The following RTL4 variants were observed in gnomAD, a reference collection of about 807,000 sequenced individuals.
RTL4 encodes retrotransposon Gag like 4.
A neutral mutation model predicts 5.3 loss-of-function variants in RTL4; 4 were observed. That is an observed-to-expected ratio of 0.75 (90% CI 0.37 to 1.72). The LOEUF (loss-of-function observed/expected upper bound fraction) is 1.72. Ranked by LOEUF, RTL4 falls within the 40% of genes most tolerant of loss-of-function variation. The pLI is 0.04. For synonymous variants in RTL4, 98 were observed against 87.3 expected, an observed-to-expected ratio of 1.12 and a Z score of -0.68; for missense variants, 260 against 227.1, an observed-to-expected ratio of 1.14 and a Z score of -0.93.
chrX:112,410,110 CA>C, the RTL4 span, among the ~76,000 whole-genome samples: 1 of 111,231 alleles, frequency 9.0e-6, no homozygotes, highest in Non-Finnish European at 1.9e-5. Context: ...GACTTTAGAA[CA>C]AAAAACTATA....
At chrX:112,446,520 A>C in the RTL4 span, among the ~76,000 whole-genome samples, 1 of 112,110 alleles carries the variant, frequency 8.9e-6, no homozygotes, top group Non-Finnish European at 1.9e-5. Flanking sequence ...AAACATACTG[A>C]GGTACACTGG....
chrX:112,106,618 G>A, the RTL4 span, among the ~76,000 whole-genome samples: 1 of 111,718 alleles, frequency 9.0e-6, no homozygotes, highest in Admixed American at 9.4e-5. Flanking sequence ...CATAATGGAT[G>A]TACTACTTTA....
At chrX:112,143,870 T>C in the RTL4 span, among the ~76,000 whole-genome samples, 1 of 112,223 alleles carries the variant, frequency 8.9e-6, no homozygotes, top group African/African-American at 3.2e-5. Context: ...AACTAGTTTT[T>C]AAGATGTTTC....
the RTL4 span, among the ~76,000 whole-genome samples, chrX:112,403,926 C>T: frequency 1.8e-5 from 2 of 112,282 alleles, no homozygotes; most frequent in African/African-American, 3.2e-5. Flanking sequence ...CAAGAGATCA[C>T]ACATAAATAT....
At chrX:112,259,181 A>G in the RTL4 span, among the ~76,000 whole-genome samples, 1 of 111,692 alleles carries the variant, frequency 9.0e-6, no homozygotes, top group African/African-American at 3.2e-5. Context: ...AATTAAATTA[A>G]TACACTAAAT....
chrX:112,455,084 G>A (rs149089921), exon 1 of RTL4: 3 of 1,211,685 alleles, frequency 2.5e-6, no homozygotes, highest in Non-Finnish European at 2.2e-6. Flanking sequence ...CCTGACAAGA[G>A]TACCTTACTG....
the RTL4 span, among the ~76,000 whole-genome samples, chrX:112,108,529 G>A: frequency 1.0e-3 from 117 of 111,662 alleles, no homozygotes; most frequent in African/African-American, 3.6e-3. Context: ...TGCTGCTGGA[G>A]TCTTTGGGCT....
At chrX:112,203,097 A>G in the RTL4 span, among the ~76,000 whole-genome samples, 1 of 110,766 alleles carries the variant, frequency 9.0e-6, no homozygotes, top group Admixed American at 9.7e-5. Flanking sequence ...TCTCTTGCCC[A>G]TGTTCTACTT....
At chrX:112,278,979 A>G in the RTL4 span, among the ~76,000 whole-genome samples, 1 of 111,820 alleles carries the variant, frequency 8.9e-6, no homozygotes, top group African/African-American at 3.2e-5. Flanking sequence ...AACAGCAAAA[A>G]TGAGTGAAAG....
At chrX:112,111,943 G>A in the RTL4 span, among the ~76,000 whole-genome samples, 4 of 111,809 alleles carry the variant, frequency 3.6e-5, no homozygotes, top group East Asian at 8.5e-4. Flanking sequence ...TTGAAGCACC[G>A]GTTCCTCAAG....
the RTL4 span, among the ~76,000 whole-genome samples, chrX:112,236,056 G>A: frequency 1.8e-5 from 2 of 110,799 alleles, no homozygotes; most frequent in African/African-American, 6.5e-5. Context: ...GAAGAGAGGA[G>A]GGAAAGTATG....
At chrX:112,191,468 A>T in the RTL4 span, among the ~76,000 whole-genome samples, 1 of 111,418 alleles carries the variant, frequency 9.0e-6, no homozygotes, top group East Asian at 2.8e-4. Flanking sequence ...TTGGCATCCT[A>T]GGGTATCATA....
the RTL4 span, among the ~76,000 whole-genome samples, chrX:112,407,750 A>G: frequency 5.3e-5 from 6 of 112,829 alleles, no homozygotes; most frequent in Admixed American, 1.9e-4. Flanking sequence ...CCTAGTAGTG[A>G]TGGCCACAGT....
chrX:112,455,754 G>A (rs1045041998), exon 1 of RTL4: 18 of 847,038 alleles, frequency 2.1e-5, no homozygotes, highest in Non-Finnish European at 2.9e-5. Flanking sequence ...GGGGAACTGT[G>A]ACACCACTTT....
the RTL4 span, among the ~76,000 whole-genome samples, chrX:112,347,195 T>C: frequency 8.9e-6 from 1 of 111,775 alleles, no homozygotes; most frequent in Non-Finnish European, 1.9e-5. Flanking sequence ...AGGAGTGAGA[T>C]AATTCATGAA....
the RTL4 span, among the ~76,000 whole-genome samples, chrX:112,271,419 C>T: frequency 1.8e-5 from 2 of 113,164 alleles, no homozygotes; most frequent in South Asian, 7.1e-4. Flanking sequence ...GTTCAAAGAC[C>T]TACTCATTCT....
chrX:112,292,382 C>T, the RTL4 span, among the ~76,000 whole-genome samples: 4 of 111,736 alleles, frequency 3.6e-5, no homozygotes, highest in African/African-American at 9.8e-5. Context: ...TCCCCATAGA[C>T]GCTTCTCATC....
chrX:112,379,555 T>C, the RTL4 span, among the ~76,000 whole-genome samples: 1 of 112,291 alleles, frequency 8.9e-6, no homozygotes, highest in African/African-American at 3.2e-5. Flanking sequence ...CAATGTTGAA[T>C]AGAGGGGGTA....
the RTL4 span, among the ~76,000 whole-genome samples, chrX:112,207,960 A>G: frequency 1.8e-5 from 2 of 111,317 alleles, no homozygotes; most frequent in African/African-American, 6.5e-5. Context: ...GAGACCCTAC[A>G]TAAATTGACC....
Sources: gnomAD v4.1 joint callset for allele counts (sites outside exome capture counted in the v4.1 genomes callset) on GRCh38, gnomAD v4.1.1 for gene constraint, MANE v1.5 for transcripts, NCBI Gene and HGNC (gene_info 2026-07-23, HGNC 2026-07-21) for gene names.